PCDHGB5: variants seen among roughly 807,000 people sequenced by gnomAD.
PCDHGB5 encodes the protein protocadherin gamma subfamily B, 5.
In PCDHGB5, 48 loss-of-function variants were observed where a neutral mutation model predicts 62.9. The ratio of observed to expected loss-of-function variants is 0.76; its 90% CI spans 0.61 to 0.97. The LOEUF is 0.97. PCDHGB5 is among the 50% of genes least tolerant of loss of function. The pLI, the probability that PCDHGB5 is intolerant of heterozygous loss-of-function variation, is 0.00. For synonymous variants in PCDHGB5, 474 were observed against 511.2 expected (o/e 0.93, Z 0.98); for missense variants, 1,118 against 1,198.6 (o/e 0.93, Z 0.99).
At chr5:141,448,893 C>G (rs957997508) in intron 1 of PCDHGB5, among the ~76,000 whole-genome samples, 2 of 151,948 alleles carry the variant, frequency 1.3e-5, no homozygotes, top group Non-Finnish European at 2.9e-5. Flanking sequence ...TGCAGTGAGC[C>G]GAGATCGTGC....
chr5:141,415,740 G>GTTTTTTTTTT lies in PCDHGB5; in HGVS notation c.2397+15239_2397+15248dup, dbSNP rs57426385. 90 of 625,044 alleles carry GTTTTTTTTTT rather than the reference G, an allele frequency of 1.4e-4. 1 individual carries two copies. The highest frequency in any genetic ancestry group is 4.1e-4 in the East Asian group (6 of 14,742). The allele number at this position is 625,044 out of a possible 1,614,324, so 38.7% of individuals were successfully genotyped here. On this transcript the variant is annotated intron_variant, in intron 1 of 3. Coordinates refer to ENST00000617380, the MANE Select transcript of PCDHGB5 (RefSeq NM_018925.3). ...TGAGTAGAATTTGATGTTTATTAAG[G>GTTTTTTTTTT]TTTTTTTTTTTTTTTTTTTTTTTTT...
At chr5:141,463,610 G>A (rs189991450) in intron 1 of PCDHGB5, among the ~76,000 whole-genome samples, 2 of 151,672 alleles carry the variant, frequency 1.3e-5, no homozygotes, top group Admixed American at 6.6e-5. Flanking sequence ...CACCATGCCC[G>A]GCTAATTTTT....
intron 1 of PCDHGB5, among the ~76,000 whole-genome samples, chr5:141,482,141 A>C (rs1302783884): frequency 6.6e-6 from 1 of 152,116 alleles, no homozygotes; most frequent in African/African-American, 2.4e-5. Flanking sequence ...GCTGGCATAA[A>C]AAGGTCAAGT....
intron 1 of PCDHGB5, among the ~76,000 whole-genome samples, chr5:141,454,730 A>C (rs2098797371): frequency 6.7e-6 from 1 of 150,092 alleles, no homozygotes; most frequent in Admixed American, 6.7e-5. Context: ...TATATGTTAT[A>C]GGATGAAAAG....
intron 1 of PCDHGB5, among the ~76,000 whole-genome samples, chr5:141,468,178 T>G (rs1033546956): frequency 1.3e-5 from 2 of 151,580 alleles, no homozygotes; most frequent in African/African-American, 4.8e-5. Context: ...TAGAAAAATT[T>G]GCTGGGCATG....
chr5:141,465,030 C>T (rs922114985), intron 1 of PCDHGB5, among the ~76,000 whole-genome samples: 2 of 152,086 alleles, frequency 1.3e-5, no homozygotes, highest in Non-Finnish European at 1.5e-5. Context: ...CCATGAACCA[C>T]CACAAATGAC....
At chr5:141,475,512 C>A (rs2099364350) in intron 1 of PCDHGB5, among the ~76,000 whole-genome samples, 2 of 152,326 alleles carry the variant, frequency 1.3e-5, no homozygotes, top group South Asian at 4.1e-4. Context: ...AATGTCTCCA[C>A]GGAAATGCTA....
chr5:141,430,897 C>T, intron 1 of PCDHGB5: 1 of 1,605,442 alleles, frequency 6.2e-7, no homozygotes, highest in Non-Finnish European at 8.5e-7. Context: ...CTAGGGTGGG[C>T]GACATCTCCA....
At chr5:141,407,370 A>G (rs1434825695) in intron 1 of PCDHGB5, among the ~76,000 whole-genome samples, 2 of 152,228 alleles carry the variant, frequency 1.3e-5, no homozygotes, top group Non-Finnish European at 2.9e-5. Flanking sequence ...ACAGATATCC[A>G]TGAAGGCTTG....
chr5:141,483,892 A>C (rs1463395859), intron 1 of PCDHGB5, among the ~76,000 whole-genome samples: 1 of 151,652 alleles, frequency 6.6e-6, no homozygotes, highest in Non-Finnish European at 1.5e-5. Flanking sequence ...TATTTCTCTG[A>C]GCTCTGGTGT....
At position 141,511,036 on chromosome 5, in the gene PCDHGB5, G is replaced by A. The variant is rs116366286; in HGVS notation, c.2635G>A (p.Val879Met). ...CGGACCCCAGTTCACCCTGCAGCAC[G>A]TGCCCGACTACCGCCAGAATGTCTA... is the stretch of plus-strand genomic sequence containing the variant. ...RYGPQFTLQH[V>M]PDYRQNVYIP... is the part of the protein sequence containing the mutation. Residue 879 changes from valine to methionine, a missense_variant, in exon 4 of 4, where the codon GTG becomes ATG. Physicochemically the swap from Val to Met is conservative, Grantham distance 21. Transcript: ENST00000617380. 5.5e-5 allele frequency: 89 copies of A among 1,614,198 alleles called. No individual in the cohort carries two copies. The highest frequency in any genetic ancestry group is 1.6e-4 in the Middle Eastern group (1 of 6,062).
rs955615446 is a variant in PCDHGB5 at position 141,420,343 on chromosome 5, ATTATT to A, written c.2397+19823_2397+19827del. Reference sequence around the variant, plus strand: ...TGCCAATATATTCCAATATAGTGGTATTATTTTAAGATTCTAGATAACTTCTTCAT... The same window carrying A: ...TGCCAATATATTCCAATATAGTGGTATTAAGATTCTAGATAACTTCTTCAT... On this transcript the variant is annotated intron_variant, in intron 1 of 3. Transcript: ENST00000617380. 8 of 1,394,426 alleles carry A rather than the reference ATTATT, an allele frequency of 5.7e-6. No homozygotes were observed. In the African/African-American group the frequency reaches 1.2e-4, roughly 20 times the overall value. 86.4% of individuals were successfully genotyped at this position (1,394,426 alleles called of 1,614,324 possible).
At chr5:141,405,096 G>A (rs2094608531) in intron 1 of PCDHGB5, 6 of 1,613,808 alleles carry the variant, frequency 3.7e-6, no homozygotes, top group Admixed American at 1.7e-5. Flanking sequence ...CTGGCCCTCA[G>A]GCTGAGGCAC....
chr5:141,482,288 C>G (rs1413786764), intron 1 of PCDHGB5, among the ~76,000 whole-genome samples: 1 of 152,078 alleles, frequency 6.6e-6, no homozygotes, highest in Non-Finnish European at 1.5e-5. Context: ...GTCTTTTAAT[C>G]TCTTTAAACT....
chr5:141,421,322 T>TC (rs761059925), intron 1 of PCDHGB5: 24 of 1,613,746 alleles, frequency 1.5e-5, no homozygotes, highest in Middle Eastern at 1.6e-4. Flanking sequence ...GCCAGGCAGA[T>TC]CCGATATTCG....
At chr5:141,422,201 G>A in intron 1 of PCDHGB5, 1 of 1,562,386 alleles carries the variant, frequency 6.4e-7, no homozygotes, top group Non-Finnish European at 8.6e-7. Context: ...GGCCAAGATG[G>A]TGGAGGTCTC....
chr5:141,423,883 A>G, intron 1 of PCDHGB5: 2 of 1,283,462 alleles, frequency 1.6e-6, no homozygotes, highest in Non-Finnish European at 2.0e-6. Context: ...CAATCTTGGC[A>G]TATTTTCTTT....
At position 141,432,032 on chromosome 5, in the gene PCDHGB5, A is replaced by G; in HGVS notation, c.2397+31508A>G. On this transcript the variant is annotated intron_variant, in intron 1 of 3. Coordinates refer to ENST00000617380, the MANE Select transcript of PCDHGB5 (RefSeq NM_018925.3). The surrounding 1 kb of genome is among the most constrained non-coding windows in gnomAD (Gnocchi z 6.0). ...TAGCTACAACATCACAGTGACCGCC[A>G]CTGACCGGGGAACCCCGCCCCTATC... 2 of 1,614,242 alleles carry G rather than the reference A, an allele frequency of 1.2e-6. No homozygotes were observed. Among genetic ancestry groups the G allele is most frequent in the South Asian group, 1.1e-5 (1 of 91,086 alleles).
intron 1 of PCDHGB5, among the ~76,000 whole-genome samples, chr5:141,482,767 A>G (rs2099572087): frequency 6.6e-6 from 1 of 150,474 alleles, no homozygotes; most frequent in East Asian, 1.9e-4. Flanking sequence ...TTTCATTATC[A>G]CTGAACCTTA....
Sources: allele counts gnomAD v4.1 joint callset (sites outside exome capture counted in the v4.1 genomes callset), GRCh38; gene constraint gnomAD v4.1.1; non-coding constraint Gnocchi (gnomAD v3.1); transcripts MANE v1.5; gene names NCBI Gene and HGNC (gene_info 2026-07-23, HGNC 2026-07-21).